Variants in CACNA1E observed in about 807,000 individuals in gnomAD.
CACNA1E encodes voltage-dependent R-type calcium channel subunit alpha-1E.
Under a neutral mutation model 259.2 loss-of-function variants are expected in CACNA1E, and 40 were observed. That is an observed-to-expected ratio of 0.15 (90% CI 0.12 to 0.20). The LOEUF (loss-of-function observed/expected upper bound fraction) is 0.20. Ranked by LOEUF, CACNA1E falls within the 10% of genes least tolerant of loss-of-function variation. The pLI is 1.00. For synonymous variants in CACNA1E, 1,104 were observed against 1,138.5 expected (o/e 0.97, Z 0.61); for missense variants, 1,874 against 3,040.1 (o/e 0.62, Z 9.02).
chr1:181,737,230 T>C (rs1272890938), intron 22 of CACNA1E, among the ~76,000 whole-genome samples: 2 of 152,226 alleles, frequency 1.3e-5, no homozygotes, highest in Admixed American at 6.5e-5. Flanking sequence ...CAGAGGGTGC[T>C]ATGCAGCTGC....
intron 7 of CACNA1E, among the ~76,000 whole-genome samples, chr1:181,709,027 T>C (rs919388401): frequency 6.6e-6 from 1 of 152,110 alleles, no homozygotes; most frequent in African/African-American, 2.4e-5. Context: ...GATGAGATCA[T>C]GGATCAAGAT....
intron 1 of CACNA1E, among the ~76,000 whole-genome samples, chr1:181,329,111 G>A (rs1247788978): frequency 6.6e-6 from 1 of 151,982 alleles, no homozygotes; most frequent in Non-Finnish European, 1.5e-5. Context: ...TCATCCACCC[G>A]CAAGTCCAGG....
chr1:181,606,083 C>G (rs1654210069), intron 6 of CACNA1E, among the ~76,000 whole-genome samples: 1 of 152,110 alleles, frequency 6.6e-6, no homozygotes, highest in South Asian at 2.1e-4. Flanking sequence ...TCCTTTGGGG[C>G]TCTCATTTAT....
intron 2 of CACNA1E, among the ~76,000 whole-genome samples, chr1:181,450,316 G>C (rs946988733): frequency 3.3e-5 from 5 of 152,188 alleles, no homozygotes; most frequent in African/African-American, 7.2e-5. Flanking sequence ...ATATCAGTGA[G>C]TGCCCAACCC....
intron 43 of CACNA1E, 138 bp from the exon 44 acceptor site, chr1:181,790,307 T>TTTTTTTTTTTTTA (rs34600959): frequency 2.4e-6 from 1 of 422,424 alleles, no homozygotes; most frequent in South Asian, 5.8e-5. Flanking sequence ...TTTTTTTTTT[T>TTTTTTTTTTTTTA]AATTTCAGGA....
At chr1:181,478,638 GC>G (rs1368152800), upstream of CACNA1E, among the ~76,000 whole-genome samples, 2 of 148,456 alleles carry the variant, frequency 1.3e-5, no homozygotes, top group Non-Finnish European at 3.1e-5. Context: ...AGTGTAACTG[GC>G]AGGGTGGGGG....
intron 3 of CACNA1E, among the ~76,000 whole-genome samples, chr1:181,523,712 C>G (rs566572776): frequency 6.6e-6 from 1 of 152,264 alleles, no homozygotes; most frequent in East Asian, 1.9e-4. Context: ...AAAAGAGAGC[C>G]TCACACTTGA....
At chr1:181,743,913 A>C (rs1176871496) in intron 25 of CACNA1E, among the ~76,000 whole-genome samples, 1 of 152,234 alleles carries the variant, frequency 6.6e-6, no homozygotes, top group East Asian at 1.9e-4. Flanking sequence ...CTCGGAATTT[A>C]CCATGGCCCG....
intron 2 of CACNA1E, among the ~76,000 whole-genome samples, chr1:181,457,720 C>T (rs1220164425): frequency 6.6e-6 from 1 of 152,230 alleles, no homozygotes; most frequent in African/African-American, 2.4e-5. Context: ...AAGTGCTTAC[C>T]TGCTCACCAG....
Position 181,477,159 on chromosome 1 carries a change from A to AC in CACNA1E, c.435-6579dup, listed in dbSNP as rs1346200780. ...CATCTTGTGTACTGCCCCCCTCCCCACCCCCCAAAACATCCTAAACATTCA... is the reference window on the plus strand; with the variant it reads ...CATCTTGTGTACTGCCCCCCTCCCCACCCCCCCAAAACATCCTAAACATTCA... On this transcript the variant is annotated intron_variant, in intron 2 of 11. Coordinates refer to the CACNA1E transcript ENST00000524607. Among the ~76,000 whole-genome samples, 6 of 113,400 alleles carry AC rather than the reference A, an allele frequency of 5.3e-5. No homozygotes were observed. The East Asian group carries it at 1.1e-3, about 21-fold the overall frequency. The allele number at this position is 113,400 out of a possible 152,430, so 74.4% of individuals were successfully genotyped here.
In CACNA1E at chr1:181,752,973, C is replaced by T. The variant is rs191189135; in HGVS notation, c.3828+734C>T. The stretch of plus-strand genomic sequence containing the variant: ...ACTGTTGAACCCACCTGCCCCACCC[C>T]GCATACTTTGCTGTTAGTGGAAGCT... On this transcript the variant is annotated intron_variant, in intron 27 of 47. Transcript: ENST00000367573. Among the ~76,000 whole-genome samples the T allele has an allele frequency of 2.0e-3, 299 of 152,326 alleles. 6 individuals are homozygous for T. The highest frequency in any genetic ancestry group is 0.019 in the Admixed American group (292 of 15,300).
intron 1 of CACNA1E, among the ~76,000 whole-genome samples, chr1:181,363,729 C>T (rs1162320194): frequency 6.6e-6 from 1 of 152,196 alleles, no homozygotes; most frequent in Non-Finnish European, 1.5e-5. Context: ...GTCTCTGGCT[C>T]TCTGCATGAT....
intron 1 of CACNA1E, among the ~76,000 whole-genome samples, chr1:181,372,581 C>G (rs1032816976): frequency 6.6e-6 from 1 of 152,010 alleles, no homozygotes; most frequent in Non-Finnish European, 1.5e-5. Context: ...TATTTGGATG[C>G]CTTTTATTTC....
At chr1:181,575,617 C>T (rs530733501) in intron 3 of CACNA1E, among the ~76,000 whole-genome samples, 1 of 152,142 alleles carries the variant, frequency 6.6e-6, no homozygotes, top group African/African-American at 2.4e-5. Context: ...CTGTTAAACT[C>T]AGGGTTGGAG....
intron 6 of CACNA1E, among the ~76,000 whole-genome samples, chr1:181,639,027 TG>T: frequency 6.6e-6 from 1 of 152,202 alleles, no homozygotes; most frequent in South Asian, 2.1e-4. Context: ...CTCTTGCATG[TG>T]GTTGTGAAGA....
intron 3 of CACNA1E, among the ~76,000 whole-genome samples, chr1:181,553,908 T>A (rs1019970025): frequency 3.1e-4 from 47 of 152,198 alleles, no homozygotes; most frequent in Non-Finnish European, 7.4e-5. Flanking sequence ...TTGAGGTGAT[T>A]GCTATCATTA....
At chr1:181,577,941 G>A in intron 4 of CACNA1E, 72 bp downstream of exon 4, 1 of 972,532 alleles carries the variant, frequency 1.0e-6, no homozygotes, top group Non-Finnish European at 1.6e-6. Flanking sequence ...CCAGGTCTAA[G>A]GGAATTTGGG....
At position 181,807,863 on chromosome 1, in the gene CACNA1E, C is replaced by A. The variant is rs1391998392; in HGVS notation, c.*9029C>A. On this transcript the variant is annotated 3_prime_UTR_variant, in exon 48 of 48. Coordinates refer to ENST00000367573, the MANE Select transcript of CACNA1E (RefSeq NM_001205293.3). ...TTATGTTATTTTTCAATCATAATTT[C>A]TTTCCTGTGGCTTCTATCACCATTG... 1 of 152,092 alleles carries A rather than the reference C, an allele frequency of 6.6e-6. No homozygotes were observed. The highest frequency in any genetic ancestry group is 1.5e-5 in the Non-Finnish European group (1 of 68,024). The allele number at this position is 152,092 out of a possible 1,614,324, so 9.4% of individuals were successfully genotyped here. A position where few individuals can be genotyped will look rare whatever the true frequency, so the allele number is the denominator to read the frequency against.
intron 1 of CACNA1E, among the ~76,000 whole-genome samples, chr1:181,500,332 G>A (rs138718990): frequency 6.6e-6 from 1 of 152,318 alleles, no homozygotes; most frequent in African/African-American, 2.4e-5. Flanking sequence ...GCTGAAACTG[G>A]CTTGTCCCAG....
Sources: allele counts gnomAD v4.1 joint callset (sites outside exome capture counted in the v4.1 genomes callset), GRCh38; gene constraint gnomAD v4.1.1; transcripts MANE v1.5; gene names NCBI Gene and HGNC (gene_info 2026-07-23, HGNC 2026-07-21).